GCN1: variants seen among roughly 807,000 people sequenced by gnomAD.
GCN1 encodes the protein stalled ribosome sensor GCN1.
A neutral mutation model predicts 288.4 loss-of-function variants in GCN1; 90 were observed. That is an observed-to-expected ratio of 0.31 (90% CI 0.26 to 0.37). The LOEUF is 0.37. Among genes scored for constraint, GCN1 ranks in the 10% least tolerant of loss-of-function variants. GCN1 has a pLI of 1.00. For synonymous variants in GCN1, 1,386 were observed against 1,420.2 expected (o/e 0.98, Z 0.54); for missense variants, 2,586 against 3,419.9 (o/e 0.76, Z 6.08).
intron 14 of GCN1, among the ~76,000 whole-genome samples, chr12:120,170,696 A>C (rs1260490362): frequency 1.3e-5 from 2 of 152,024 alleles, no homozygotes; most frequent in Admixed American, 1.3e-4. Context: ...TTGATGGATA[A>C]GCAGAGACAT....
chr12:120,173,507 A>C, intron 14 of GCN1, 146 bp downstream of exon 14: 1 of 608,966 alleles, frequency 1.6e-6, no homozygotes, highest in East Asian at 2.8e-5. Context: ...TTTTGGGCTA[A>C]GCCCAATGCT....
At chr12:120,164,544 T>C in intron 17 of GCN1, 49 bp from the exon 18 acceptor site, 2 of 1,604,798 alleles carry the variant, frequency 1.2e-6, no homozygotes, top group Non-Finnish European at 1.7e-6. Context: ...AGAGCAGGGC[T>C]TTCCACAGCC....
chr12:120,181,133 C>T (rs1376374839), intron 5 of GCN1, among the ~76,000 whole-genome samples: 2 of 151,868 alleles, frequency 1.3e-5, no homozygotes, highest in African/African-American at 2.4e-5. Context: ...AATAAAAAAC[C>T]GTAAGCAACA....
At chr12:120,193,671 T>C (rs777153080) in intron 1 of GCN1, among the ~76,000 whole-genome samples, 16 of 152,214 alleles carry the variant, frequency 1.1e-4, no homozygotes, top group Non-Finnish European at 1.5e-4. Context: ...ATACTGGACA[T>C]TGCAGCTCTA....
chr12:120,161,245 A>G (rs1422179566), intron 22 of GCN1, among the ~76,000 whole-genome samples: 2 of 152,202 alleles, frequency 1.3e-5, no homozygotes, highest in African/African-American at 2.4e-5. Flanking sequence ...CAGAGGAGAC[A>G]CGTGCACTGT....
chr12:120,150,518 C>A (rs1877507232), intron 34 of GCN1, among the ~76,000 whole-genome samples: 1 of 151,706 alleles, frequency 6.6e-6, no homozygotes, highest in Non-Finnish European at 1.5e-5. Context: ...TTGCTTGAAC[C>A]CAGGAGGTGA....
At chr12:120,175,705 C>A in intron 11 of GCN1, 41 bp downstream of exon 11, 1 of 1,586,846 alleles carries the variant, frequency 6.3e-7, no homozygotes, top group Middle Eastern at 1.7e-4. Context: ...ATACCAGGGG[C>A]CACGCCTCAA....
intron 3 of GCN1, among the ~76,000 whole-genome samples, chr12:120,184,489 A>G (rs1180793731): frequency 6.6e-6 from 1 of 152,236 alleles, no homozygotes; most frequent in African/African-American, 2.4e-5. Context: ...TGGAGCAGTT[A>G]TAAGGGTCTC....
chr12:120,158,484 T>C lies in GCN1; in HGVS notation c.2881A>G (p.Ser961Gly). ...CCTGGCTCCCCCTTGCCCACCCTGC[T>C]GGTGATGGTGTGGGTGTGCAGCAGC... ...VMLLHTHTIT[S>G]RVGKGEPGAA... Residue 961 changes from serine (S) to glycine (G), a missense_variant, in exon 25 of 58, where the codon AGC becomes GGC. Around this residue, in one of 8 missense-constraint regions of GCN1, gnomAD observed 153 missense variants for 252.0 expected, o/e 0.61. Transcript: ENST00000300648. This position sits in a 1 kb window ranked among gnomAD's most constrained non-coding sequence, Gnocchi z 4.3. 1 of 1,557,754 alleles carries C rather than the reference T, an allele frequency of 6.4e-7. No homozygotes were observed. Among genetic ancestry groups the C allele is most frequent in the East Asian group, 2.4e-5 (1 of 41,546 alleles).
chr12:120,193,279 A>C (rs1225044213), intron 1 of GCN1, among the ~76,000 whole-genome samples: 2 of 152,196 alleles, frequency 1.3e-5, no homozygotes, highest in Admixed American at 6.5e-5. Flanking sequence ...CTGTGCACTG[A>C]AATGTGGCTG....
chr12:120,163,045 TC>T, intron 19 of GCN1, 24 bp downstream of exon 19: 1 of 1,613,644 alleles, frequency 6.2e-7, no homozygotes, highest in Non-Finnish European at 8.5e-7. Flanking sequence ...CTCTGGGCTC[TC>T]CCACACCCAC....
chr12:120,185,103 C>A (rs1449734579), intron 2 of GCN1, among the ~76,000 whole-genome samples: 1 of 152,090 alleles, frequency 6.6e-6, no homozygotes, highest in Non-Finnish European at 1.5e-5. Flanking sequence ...ATGAACGAAA[C>A]TAAGAAAATA....
At chr12:120,165,000 T>TACACACACACAC (rs1172798134) in intron 16 of GCN1, among the ~76,000 whole-genome samples, 257 of 62,306 alleles carry the variant, frequency 4.1e-3, no homozygotes, top group Middle Eastern at 0.015. Flanking sequence ...TATACACATA[T>TACACACACACAC]ATACACACAC....
intron 18 of GCN1, 36 bp from the exon 19 acceptor site, chr12:120,163,295 C>T (rs1315691270): frequency 6.5e-7 from 1 of 1,549,930 alleles, no homozygotes; most frequent in Non-Finnish European, 8.9e-7. Flanking sequence ...CTGCTAAGAG[C>T]CCTGTGCAGG....
intron 57 of GCN1, among the ~76,000 whole-genome samples, chr12:120,129,028 C>T (rs559649925): frequency 1.3e-4 from 19 of 151,938 alleles, no homozygotes; most frequent in African/African-American, 3.6e-4. Context: ...TTAGTAGAGA[C>T]GGGGTTTCAC....
chr12:120,164,306 G>C (rs192712498), intron 18 of GCN1, 30 bp downstream of exon 18: 2 of 1,588,890 alleles, frequency 1.3e-6, no homozygotes, highest in South Asian at 1.1e-5. Context: ...GGATCCAAGA[G>C]CCCCAGTTCT....
chr12:120,164,483 C>A lies in GCN1; in HGVS notation c.1701G>T (p.Arg567=). ...LTGNKVQQYH[R]ALVAVLLSRT... ...GGCTCAGGAGCACCGCCACCAGAGC[C>A]CGGTGGTACTGCCTGCAAGCACAGG... The change falls in exon 18 of 58, where the codon CGG becomes CGT. Residue 567 remains arginine (R), a synonymous_variant. Transcript: ENST00000300648. The A allele has an allele frequency of 1.2e-6, 2 of 1,613,966 alleles. No individual in the cohort carries two copies. The highest frequency in any genetic ancestry group is 3.3e-5 in the Admixed American group (2 of 60,008).
intron 1 of GCN1, among the ~76,000 whole-genome samples, chr12:120,191,124 T>C (rs935381104): frequency 2.6e-5 from 4 of 152,232 alleles, no homozygotes; most frequent in African/African-American, 9.6e-5. Flanking sequence ...AGTTGGCTAC[T>C]ACTACCAAAA....
intron 15 of GCN1, 189 bp from the exon 16 acceptor site, chr12:120,168,489 G>T (rs1332155550): frequency 1.9e-6 from 1 of 534,270 alleles, no homozygotes; most frequent in Non-Finnish European, 3.4e-6. Context: ...AAACTCTTCG[G>T]TGGCTCTCTG....
Sources: gnomAD v4.1 joint callset for allele counts (sites outside exome capture counted in the v4.1 genomes callset) on GRCh38, gnomAD v4.1.1 for gene constraint, gnomAD v4.1.1 regional missense constraint, Gnocchi (gnomAD v3.1) non-coding constraint, MANE v1.5 for transcripts, NCBI Gene and HGNC (gene_info 2026-07-23, HGNC 2026-07-21) for gene names.